Variants in PBX3 observed in about 807,000 individuals in gnomAD.
PBX3 encodes pre-B-cell leukemia transcription factor 3.
A neutral mutation model predicts 48.5 loss-of-function variants in PBX3; 14 were observed. The observed-to-expected ratio is 0.29, with a 90% CI of 0.19 to 0.45. The LOEUF (loss-of-function observed/expected upper bound fraction) is 0.45. Ranked by LOEUF, PBX3 falls within the 20% of genes least tolerant of loss-of-function variation. The probability of loss-of-function intolerance (pLI) is 1.00; values close to 1 mark genes in which losing one functional copy is unlikely to be tolerated. For synonymous variants in PBX3, 210 were observed against 200.3 expected (o/e 1.05, Z -0.41); for missense variants, 386 against 546.7 (o/e 0.71, Z 2.93).
At chr9:125,915,158 G>A (rs933377577) in intron 2 of PBX3, among the ~76,000 whole-genome samples, 2 of 152,060 alleles carry the variant, frequency 1.3e-5, no homozygotes, top group Non-Finnish European at 2.9e-5. Context: ...GAAATCACAC[G>A]ATGGAAAAGC....
chr9:125,831,134 A>G (rs995538598), intron 2 of PBX3, among the ~76,000 whole-genome samples: 1 of 152,170 alleles, frequency 6.6e-6, no homozygotes, highest in African/African-American at 2.4e-5. Flanking sequence ...GGCAGTATTT[A>G]ATTTACGCTT....
At chr9:125,903,840 A>G (rs928444015) in intron 2 of PBX3, among the ~76,000 whole-genome samples, 2 of 151,906 alleles carry the variant, frequency 1.3e-5, no homozygotes, top group Non-Finnish European at 2.9e-5. Flanking sequence ...GTAAAGAGTT[A>G]GTTCAGACTG....
At chr9:125,851,367 A>T (rs1008164441) in intron 2 of PBX3, among the ~76,000 whole-genome samples, 2 of 152,250 alleles carry the variant, frequency 1.3e-5, no homozygotes, top group South Asian at 2.1e-4. Flanking sequence ...TGTCCAAGGT[A>T]TTAAGAAAGA....
Position 125,966,857 on chromosome 9 carries a change from G to A in PBX3, c.*934G>A, listed in dbSNP as rs781422386. ...CTTACTACCTCTGAACAATACTCAC[G>A]CTGTAGTTTGTCTCTTTCTTATCTT... On this transcript the variant is annotated 3_prime_UTR_variant, in exon 9 of 9. Transcript: ENST00000373489. 1 of 152,570 alleles carries A rather than the reference G, an allele frequency of 6.6e-6. No homozygotes were observed. Among genetic ancestry groups the A allele is most frequent in the African/African-American group, 2.4e-5 (1 of 41,414 alleles). The allele number at this position is 152,570 out of a possible 1,614,324, so 9.5% of individuals were successfully genotyped here. A position where few individuals can be genotyped will look rare whatever the true frequency, so the allele number is the denominator to read the frequency against.
At chr9:125,892,618 T>C (rs892157006) in intron 2 of PBX3, among the ~76,000 whole-genome samples, 5 of 152,128 alleles carry the variant, frequency 3.3e-5, no homozygotes, top group Non-Finnish European at 7.4e-5. Flanking sequence ...GAAGGAAAAA[T>C]ATATGTATTC....
intron 2 of PBX3, among the ~76,000 whole-genome samples, chr9:125,906,341 GC>G (rs1841071041): frequency 6.6e-6 from 1 of 151,990 alleles, no homozygotes; most frequent in Non-Finnish European, 1.5e-5. Context: ...TTTGAGCAGT[GC>G]CTGTGCATCA....
chr9:125,758,629 A>G (rs1836584508), intron 2 of PBX3, among the ~76,000 whole-genome samples: 1 of 152,204 alleles, frequency 6.6e-6, no homozygotes, highest in Non-Finnish European at 1.5e-5. Context: ...TTGATGGCCA[A>G]GCTGTAGAAT....
At chr9:125,763,867 T>G (rs1218676643) in intron 2 of PBX3, among the ~76,000 whole-genome samples, 1 of 152,234 alleles carries the variant, frequency 6.6e-6, no homozygotes, top group Non-Finnish European at 1.5e-5. Flanking sequence ...GTTTTTTTAT[T>G]TCATAAATAT....
At position 125,929,856 on chromosome 9, in the gene PBX3, C is replaced by A; in HGVS notation, c.707+11C>A. The stretch of plus-strand genomic sequence containing the variant: ...GTTCCTTGATGCCAGGTATGTGAAG[C>A]CATAAATCTATTGCATGGCTTTCCC... On this transcript the variant is annotated intron_variant, in intron 4 of 8. Coordinates refer to ENST00000373489, the MANE Select transcript of PBX3 (RefSeq NM_006195.6). The A allele has an allele frequency of 6.3e-7, 1 of 1,597,126 alleles. No individual in the cohort carries two copies. The highest frequency in any genetic ancestry group is 8.6e-7 in the Non-Finnish European group (1 of 1,165,408).
At chr9:125,823,677 A>G (rs1267526395) in intron 2 of PBX3, among the ~76,000 whole-genome samples, 2 of 152,204 alleles carry the variant, frequency 1.3e-5, no homozygotes, top group East Asian at 1.9e-4. Context: ...AGAATTCTGT[A>G]TGTTTTTATC....
At chr9:125,774,625 A>T (rs1039818360) in intron 2 of PBX3, among the ~76,000 whole-genome samples, 3 of 149,628 alleles carry the variant, frequency 2.0e-5, no homozygotes, top group Admixed American at 6.7e-5. Context: ...ATATACTACA[A>T]TTTGTTTATC....
At chr9:125,756,511 T>G (rs1428825500) in intron 2 of PBX3, among the ~76,000 whole-genome samples, 2 of 152,156 alleles carry the variant, frequency 1.3e-5, no homozygotes, top group Non-Finnish European at 2.9e-5. Flanking sequence ...CTGTATTTGC[T>G]GGGTATGGTT....
intron 2 of PBX3, among the ~76,000 whole-genome samples, chr9:125,758,279 T>C (rs1182559604): frequency 2.6e-5 from 4 of 152,310 alleles, no homozygotes; most frequent in African/African-American, 9.6e-5. Flanking sequence ...GTTATAGTTC[T>C]AACATCAAAC....
intron 3 of PBX3, among the ~76,000 whole-genome samples, chr9:125,928,742 G>A (rs1400525497): frequency 2.0e-5 from 3 of 152,172 alleles, no homozygotes; most frequent in African/African-American, 7.2e-5. Flanking sequence ...TGGGATTACA[G>A]GCGTGAGCCA....
intron 2 of PBX3, among the ~76,000 whole-genome samples, chr9:125,753,992 A>C (rs1156983039): frequency 6.6e-6 from 1 of 152,106 alleles, no homozygotes; most frequent in East Asian, 1.9e-4. Context: ...ACATTATATG[A>C]AGTGGGACTA....
At chr9:125,794,577 T>TAA (rs547008431) in intron 2 of PBX3, among the ~76,000 whole-genome samples, 1 of 147,878 alleles carries the variant, frequency 6.8e-6, no homozygotes, top group Non-Finnish European at 1.5e-5. Context: ...TTCAATTTAT[T>TAA]AAAAAAAAAA....
intron 2 of PBX3, among the ~76,000 whole-genome samples, chr9:125,762,948 A>C (rs1399276807): frequency 6.6e-6 from 1 of 152,222 alleles, no homozygotes; most frequent in Non-Finnish European, 1.5e-5. Context: ...TACAAAGCAT[A>C]GCCTTTAGTG....
At position 125,929,830 on chromosome 9, in the gene PBX3, G is replaced by A. The variant is rs1841675829; in HGVS notation, c.692G>A (p.Arg231Lys). 4 of 1,613,366 alleles carry A rather than the reference G, an allele frequency of 2.5e-6. No homozygotes were observed. Among genetic ancestry groups the A allele is most frequent in the Non-Finnish European group, 3.4e-6 (4 of 1,179,484 alleles). The change falls in exon 4 of 9, where the codon AGG becomes AAG. Residue 231 changes from arginine to lysine, a missense_variant. By Grantham distance (26) the Arg-to-Lys change is conservative (BLOSUM62 2). Coordinates refer to ENST00000373489, the MANE Select transcript of PBX3 (RefSeq NM_006195.6). ...TCEAVMILRSRFLDARRKRRN... is the reference protein window; with the variant it reads ...TCEAVMILRSKFLDARRKRRN... ...GAAGCAGTTATGATTTTAAGATCAA[G>A]GTTCCTTGATGCCAGGTATGTGAAG...
intron 2 of PBX3, among the ~76,000 whole-genome samples, chr9:125,846,137 C>T (rs967195704): frequency 2.6e-5 from 4 of 151,980 alleles, no homozygotes; most frequent in Admixed American, 2.6e-4. Flanking sequence ...CTCATCTACT[C>T]ATGTTTTAAT....
Sources: allele counts gnomAD v4.1 joint callset (sites outside exome capture counted in the v4.1 genomes callset), GRCh38; gene constraint gnomAD v4.1.1; transcripts MANE v1.5; gene names NCBI Gene and HGNC (gene_info 2026-07-23, HGNC 2026-07-21).